The following LPA variants were observed in gnomAD, a reference collection of about 807,000 sequenced individuals.
LPA encodes apolipoprotein(a).
A neutral mutation model predicts 197.9 loss-of-function variants in LPA; 199 were observed. That is an observed-to-expected ratio of 1.01 (90% CI 0.90 to 1.13). The LOEUF (loss-of-function observed/expected upper bound fraction) is 1.13, where lower values mean the gene tolerates loss of function less well. LPA is among the 50% of genes most tolerant of loss of function. The pLI is 0.00. For missense variants in LPA, 1,853 were observed against 1,785.8 expected (o/e 1.04, Z -0.68); for synonymous variants, 715 against 639.5 (o/e 1.12, Z -1.78).
At chr6:160,653,095 GAT>G (rs1780034539) in intron 1 of LPA, among the ~76,000 whole-genome samples, 2 of 152,022 alleles carry the variant, frequency 1.3e-5, no homozygotes, top group Non-Finnish European at 2.9e-5. Flanking sequence ...CTGAGAAAAA[GAT>G]ATACAAATAC....
chr6:160,651,003 C>G (rs1038009905), intron 1 of LPA, among the ~76,000 whole-genome samples: 2 of 152,166 alleles, frequency 1.3e-5, no homozygotes, highest in African/African-American at 4.8e-5. Flanking sequence ...CTTCACTTCT[C>G]AGGGATAGGT....
Position 160,576,332 on chromosome 6 carries a change from GTGTGTGTGTA to G in LPA, c.4631+794_4631+803del, listed in dbSNP as rs1383641412. On this transcript the variant is annotated intron_variant, in intron 28 of 38. Transcript: ENST00000316300. The stretch of plus-strand genomic sequence containing the variant: ...TATACCTGTATGTATGTGTGTGTGT[GTGTGTGTGTA>G]TATATATATATATATATATATATAC... Among the ~76,000 whole-genome samples, 144 of 79,250 alleles carry G rather than the reference GTGTGTGTGTA, an allele frequency of 1.8e-3. 1 individual carries two copies. The highest frequency in any genetic ancestry group is 4.9e-3 in the African/African-American group (112 of 22,792). The allele number at this position is 79,250 out of a possible 152,430, so 52.0% of individuals were successfully genotyped here. A position where few individuals can be genotyped will look rare whatever the true frequency, so the allele number is the denominator to read the frequency against.
chr6:160,541,217 G>A (rs1454440448), intron 34 of LPA, 36 bp from the exon 35 acceptor site: 1 of 1,462,112 alleles, frequency 6.8e-7, no homozygotes, highest in South Asian at 1.1e-5. Context: ...TGGTCAAATT[G>A]GATGGTTTGT....
At chr6:160,557,708 GA>G in intron 28 of LPA, 137 bp from the exon 29 acceptor site, 1 of 690,620 alleles carries the variant, frequency 1.4e-6, no homozygotes, top group Non-Finnish European at 2.5e-6. Flanking sequence ...ATAATATTCC[GA>G]AAAGCAAAAA....
intron 28 of LPA, among the ~76,000 whole-genome samples, chr6:160,560,253 T>C (rs541371566): frequency 6.6e-6 from 1 of 152,350 alleles, no homozygotes. Flanking sequence ...TAAACATACG[T>C]GTGCATGTGT....
chr6:160,648,496 T>C (rs1779945432), intron 2 of LPA, among the ~76,000 whole-genome samples: 1 of 152,162 alleles, frequency 6.6e-6, no homozygotes, highest in Non-Finnish European at 1.5e-5. Context: ...GTAGGAAATC[T>C]TTTTATGTTT....
chr6:160,578,322 C>T (rs535084184), intron 27 of LPA, among the ~76,000 whole-genome samples: 8 of 152,010 alleles, frequency 5.3e-5, no homozygotes, highest in Non-Finnish European at 1.2e-4. Context: ...CTAAAGACAC[C>T]GTGCCCTTCC....
chr6:160,573,040 G>A (rs1246363369), intron 28 of LPA, among the ~76,000 whole-genome samples: 2 of 152,084 alleles, frequency 1.3e-5, no homozygotes, highest in Non-Finnish European at 2.9e-5. Flanking sequence ...CAAGCTTTTA[G>A]TATTGTCTTT....
chr6:160,590,256 C>T lies in LPA; in HGVS notation c.3788-544G>A, dbSNP rs181711189. 1.8e-4 allele frequency among the ~76,000 whole-genome samples: 28 copies of T among 152,260 alleles called. No individual in the cohort carries two copies. The East Asian group carries it at 4.5e-3, about 24-fold the overall frequency. On this transcript the variant is annotated intron_variant, in intron 23 of 38. Transcript: ENST00000316300. The stretch of plus-strand genomic sequence containing the variant: ...CCAAAATTTTATTCCCTTGGAGGGA[C>T]GGCGGGAAATCTTGGGCCCAGGATC...
intron 25 of LPA, 88 bp from the exon 26 acceptor site, chr6:160,585,293 A>G (rs1778889571): frequency 7.8e-7 from 1 of 1,278,674 alleles, no homozygotes; most frequent in Middle Eastern, 1.8e-4. Flanking sequence ...GAATAATCTG[A>G]GGATTAACAA....
chr6:160,662,643 C>A (rs1780245792), intron 1 of LPA, among the ~76,000 whole-genome samples: 1 of 152,078 alleles, frequency 6.6e-6, no homozygotes, highest in Non-Finnish European at 1.5e-5. Flanking sequence ...ATATTCATAT[C>A]CCCTGCACTC....
intron 1 of LPA, among the ~76,000 whole-genome samples, chr6:160,652,668 T>C (rs527681961): frequency 2.0e-5 from 3 of 152,240 alleles, no homozygotes; most frequent in South Asian, 2.1e-4. Flanking sequence ...ATAATCACTT[T>C]AAAAAACAAC....
At position 160,547,827 on chromosome 6, in the gene LPA, T is replaced by G. The variant is rs1413750455; in HGVS notation, c.5266A>C (p.Ile1756Leu). The change falls in exon 32 of 39, where the codon ATT (isoleucine) becomes CTT (leucine). Residue 1756 changes from isoleucine to leucine, a missense_variant. Physicochemically the swap from Ile to Leu is conservative, Grantham distance 5. Transcript: ENST00000316300. ...CCTGCCCATTTATTTGTCCCTGGAA[T>G]GAACGTGCTGTGTCTATGGGGCTCC... ...AQEPHRHSTFIPGTNKWAGLE... is the reference protein window; with the variant it reads ...AQEPHRHSTFLPGTNKWAGLE... The G allele has an allele frequency of 6.2e-7, 1 of 1,614,162 alleles. No homozygotes were observed. Among genetic ancestry groups the G allele is most frequent in the Non-Finnish European group, 8.5e-7 (1 of 1,180,022 alleles).
At chr6:160,647,013 G>T (rs1202571951) in intron 2 of LPA, among the ~76,000 whole-genome samples, 1 of 152,106 alleles carries the variant, frequency 6.6e-6, no homozygotes, top group Non-Finnish European at 1.5e-5. Flanking sequence ...TATCATGTCG[G>T]TCAAGTAGGT....
Position 160,606,609 on chromosome 6 carries a change from A to G in LPA, c.2653T>C (p.Tyr885His). 3 of 1,613,974 alleles carry G rather than the reference A, an allele frequency of 1.9e-6. No individual in the cohort carries two copies. The highest frequency in any genetic ancestry group is 2.5e-6 in the Non-Finnish European group (3 of 1,179,940). Reference sequence around the variant, plus strand: ...ACACTGGGATCCCTCGTATAACAATAAGGGGCTGCCACAGGATCTGGATTC... The same window carrying G: ...ACACTGGGATCCCTCGTATAACAATGAGGGGCTGCCACAGGATCTGGATTC... ...CRNPDPVAAP[Y>H]CYTRDPSVRW... Residue 885 changes from tyrosine to histidine, a missense_variant, in exon 17 of 39, where the codon TAT becomes CAT. Tyr to His is a moderately conservative substitution (Grantham distance 83). This residue lies in a region of LPA where 1,737 missense variants were observed against 1,504.4 expected (regional missense o/e 1.15). Transcript: ENST00000316300.
chr6:160,595,604 C>T (rs963160556), intron 20 of LPA, 69 bp from the exon 21 acceptor site: 37 of 1,607,734 alleles, frequency 2.3e-5, no homozygotes, highest in Admixed American at 5.0e-5. Context: ...GCGCCCTCTA[C>T]ATTTTGCTGT....
chr6:160,602,071 G>A (rs1292733648), intron 18 of LPA, among the ~76,000 whole-genome samples: 3 of 152,066 alleles, frequency 2.0e-5, no homozygotes, highest in South Asian at 2.1e-4. Context: ...CTGGGAAAAC[G>A]GGAAATGTAT....
At chr6:160,581,541 A>G (rs964806442) in intron 26 of LPA, among the ~76,000 whole-genome samples, 1 of 152,082 alleles carries the variant, frequency 6.6e-6, no homozygotes, top group Non-Finnish European at 1.5e-5. Flanking sequence ...ATCTCAGGCA[A>G]TCCTCTCATC....
intron 28 of LPA, among the ~76,000 whole-genome samples, chr6:160,573,536 C>T (rs534567539): frequency 6.6e-6 from 1 of 152,182 alleles, no homozygotes; most frequent in South Asian, 2.1e-4. Context: ...TTTTCTGGTT[C>T]CTTCTCATTT....
Sources: allele counts gnomAD v4.1 joint callset (sites outside exome capture counted in the v4.1 genomes callset), GRCh38; gene constraint gnomAD v4.1.1; regional missense constraint gnomAD v4.1.1; transcripts MANE v1.5; gene names NCBI Gene and HGNC (gene_info 2026-07-23, HGNC 2026-07-21).